Variants in DYNC1I2 observed in about 807,000 individuals in gnomAD.
The protein encoded by DYNC1I2 is dynein cytoplasmic 1 intermediate chain 2, also known as cytoplasmic dynein 1 intermediate chain 2.
Under a neutral mutation model 88.6 loss-of-function variants are expected in DYNC1I2, and 53 were observed. The ratio of observed to expected loss-of-function variants is 0.60; its 90% CI spans 0.48 to 0.75. The LOEUF is 0.75. Ranked by LOEUF, DYNC1I2 falls within the 30% of genes least tolerant of loss-of-function variation. The pLI is 0.00. For missense variants in DYNC1I2, 458 were observed against 766.6 expected (o/e 0.60, Z 4.75); for synonymous variants, 198 against 254.6 (o/e 0.78, Z 2.12).
intron 3 of DYNC1I2, among the ~76,000 whole-genome samples, chr2:171,705,120 A>T (rs1471523437): frequency 7.1e-6 from 1 of 140,530 alleles, no homozygotes. Context: ...TGGCTAAGAA[A>T]CTGTGATAAT....
At chr2:171,740,903 G>T (rs1689376460) in intron 15 of DYNC1I2, among the ~76,000 whole-genome samples, 1 of 152,032 alleles carries the variant, frequency 6.6e-6, no homozygotes, top group African/African-American at 2.4e-5. Flanking sequence ...TCTAATTTTA[G>T]AACATTTTCA....
intron 4 of DYNC1I2, 76 bp downstream of exon 4, chr2:171,706,640 A>G: frequency 1.5e-6 from 2 of 1,358,024 alleles, no homozygotes; most frequent in Non-Finnish European, 1.0e-6. Context: ...TCTAGAAGGC[A>G]TGCTGTTTTA....
intron 2 of DYNC1I2, among the ~76,000 whole-genome samples, 196 bp from the exon 3 acceptor site, chr2:171,692,581 A>G (rs1043321869): frequency 1.3e-5 from 2 of 152,160 alleles, no homozygotes; most frequent in Non-Finnish European, 2.9e-5. Flanking sequence ...AGTTTAGTAC[A>G]TATCATTTGA....
intron 15 of DYNC1I2, among the ~76,000 whole-genome samples, chr2:171,740,013 AT>A (rs2105765736): frequency 6.6e-6 from 1 of 152,116 alleles, no homozygotes; most frequent in Admixed American, 6.5e-5. Flanking sequence ...CCCAGCCACA[AT>A]TGACATACCT....
At chr2:171,695,765 T>G (rs942803187) in intron 3 of DYNC1I2, among the ~76,000 whole-genome samples, 14 of 152,248 alleles carry the variant, frequency 9.2e-5, no homozygotes, top group African/African-American at 3.4e-4. Flanking sequence ...CTTAGCTTAA[T>G]TAGGTTCTGC....
In DYNC1I2 at chr2:171,726,930, TTA is replaced by T. The variant is rs773879812; in HGVS notation, c.996+15_996+16del. ...TTTCACTGCCAGGTATGGTGGTCTTTTAACAGTCTTCGCCTCAAGTTTAAGAA... is the reference window on the plus strand; with the variant it reads ...TTTCACTGCCAGGTATGGTGGTCTTTACAGTCTTCGCCTCAAGTTTAAGAA... On this transcript the variant is annotated intron_variant, in intron 11 of 17. Transcript: ENST00000397119. The T allele has an allele frequency of 1.3e-6, 2 of 1,586,228 alleles. No individual in the cohort carries two copies. The highest frequency in any genetic ancestry group is 3.6e-5 in the Admixed American group (2 of 54,964).
intron 15 of DYNC1I2, among the ~76,000 whole-genome samples, chr2:171,735,307 C>T (rs1469860059): frequency 6.6e-6 from 1 of 152,174 alleles, no homozygotes. Flanking sequence ...GACTTGTTTT[C>T]ATTACTTTAT....
intron 15 of DYNC1I2, among the ~76,000 whole-genome samples, chr2:171,735,694 T>C (rs1054603648): frequency 6.6e-6 from 1 of 152,212 alleles, no homozygotes; most frequent in African/African-American, 2.4e-5. Flanking sequence ...CGAAGCACTT[T>C]GGCAGGTCTG....
intron 7 of DYNC1I2, among the ~76,000 whole-genome samples, chr2:171,718,727 C>T (rs953227989): frequency 6.6e-6 from 1 of 152,052 alleles, no homozygotes; most frequent in Non-Finnish European, 1.5e-5. Flanking sequence ...GCCACTGCCC[C>T]GGCCGTCTCC....
chr2:171,717,411 G>A (rs554052117), intron 7 of DYNC1I2, among the ~76,000 whole-genome samples: 2 of 152,086 alleles, frequency 1.3e-5, no homozygotes, highest in South Asian at 4.2e-4. Context: ...TACTGTGCCC[G>A]GCCATGTCCA....
intron 1 of DYNC1I2, among the ~76,000 whole-genome samples, chr2:171,689,444 T>A (rs571233563): frequency 2.3e-4 from 35 of 152,296 alleles, no homozygotes; most frequent in Non-Finnish European, 3.7e-4. Flanking sequence ...GCAATAGAAT[T>A]GGTAATAGTT....
chr2:171,729,905 G>A (rs1213414766), intron 15 of DYNC1I2, 52 bp downstream of exon 15: 24 of 1,594,628 alleles, frequency 1.5e-5, no homozygotes, highest in Non-Finnish European at 2.1e-5. Context: ...ACACAAGGTG[G>A]TGATCTAATA....
chr2:171,724,442 G>A (rs1330039070), intron 7 of DYNC1I2, among the ~76,000 whole-genome samples: 1 of 152,174 alleles, frequency 6.6e-6, no homozygotes, highest in Non-Finnish European at 1.5e-5. Flanking sequence ...CAGTGAAGCG[G>A]AAGAATGTTA....
At chr2:171,732,108 A>C (rs1688655733) in intron 15 of DYNC1I2, among the ~76,000 whole-genome samples, 1 of 152,228 alleles carries the variant, frequency 6.6e-6, no homozygotes, top group Non-Finnish European at 1.5e-5. Context: ...TTACGCCTGT[A>C]ATCTCAGCGC....
At chr2:171,715,556 A>G (rs1216097565) in intron 7 of DYNC1I2, 113 bp downstream of exon 7, 9 of 681,026 alleles carry the variant, frequency 1.3e-5, no homozygotes, top group Non-Finnish European at 2.1e-5. Flanking sequence ...GTGTTTTGGC[A>G]TGTTTTCTTA....
chr2:171,718,740 ACTT>A (rs1364138180), intron 7 of DYNC1I2, among the ~76,000 whole-genome samples: 1 of 152,116 alleles, frequency 6.6e-6, no homozygotes, highest in African/African-American at 2.4e-5. Flanking sequence ...CCGTCTCCAA[ACTT>A]CTTATTTAAA....
At chr2:171,726,952 T>A in intron 11 of DYNC1I2, 36 bp downstream of exon 11, 1 of 1,529,300 alleles carries the variant, frequency 6.5e-7, no homozygotes, top group Non-Finnish European at 8.8e-7. Context: ...GCCTCAAGTT[T>A]AAGAATTCAT....
At chr2:171,728,053 C>A in intron 12 of DYNC1I2, 86 bp downstream of exon 12, 1 of 1,420,944 alleles carries the variant, frequency 7.0e-7, no homozygotes, top group South Asian at 1.6e-5. Flanking sequence ...AGAGTCATCT[C>A]AGAATGTGCT....
At chr2:171,698,898 C>T (rs1237925570) in intron 3 of DYNC1I2, among the ~76,000 whole-genome samples, 6 of 150,944 alleles carry the variant, frequency 4.0e-5, no homozygotes, top group Admixed American at 1.3e-4. Flanking sequence ...AGGGTCTCGC[C>T]GTGTTGCCTA....
Sources: allele counts gnomAD v4.1 joint callset (sites outside exome capture counted in the v4.1 genomes callset), GRCh38; gene constraint gnomAD v4.1.1; transcripts MANE v1.5; gene names NCBI Gene and HGNC (gene_info 2026-07-23, HGNC 2026-07-21).